LUC7L3: variants seen among roughly 807,000 people sequenced by gnomAD.
The protein encoded by LUC7L3 is luc7-like protein 3.
A neutral mutation model predicts 66.8 loss-of-function variants in LUC7L3; 6 were observed. That is an observed-to-expected ratio of 0.09 (90% CI 0.05 to 0.18). LUC7L3 has a LOEUF of 0.18. LUC7L3 is among the 10% of genes least tolerant of loss of function. LUC7L3 has a pLI of 1.00. For synonymous variants in LUC7L3, 160 were observed against 174.7 expected, an observed-to-expected ratio of 0.92 and a Z score of 0.66; for missense variants, 341 against 531.1, an observed-to-expected ratio of 0.64 and a Z score of 3.52.
chr17:50,740,371 A>C (rs763815552), intron 3 of LUC7L3, 26 bp downstream of exon 3: 3 of 1,594,800 alleles, frequency 1.9e-6, no homozygotes, highest in African/African-American at 2.7e-5. Context: ...TGTCATTTCC[A>C]CCCCCCCAGT....
chr17:50,730,193 A>G (rs1250841884), intron 1 of LUC7L3, among the ~76,000 whole-genome samples: 1 of 151,694 alleles, frequency 6.6e-6, no homozygotes, highest in Non-Finnish European at 1.5e-5. Context: ...GCTGGTCTCG[A>G]ACTCCTGAGC....
chr17:50,742,113 T>A (rs1970386131), intron 5 of LUC7L3, among the ~76,000 whole-genome samples: 1 of 152,066 alleles, frequency 6.6e-6, no homozygotes, highest in South Asian at 2.1e-4. Flanking sequence ...TATATATGTA[T>A]CTGAAAGGAC....
In LUC7L3 at chr17:50,753,125, G is replaced by A. The variant is rs771902229; in HGVS notation, c.*2464G>A. 4.6e-5 allele frequency: 7 copies of A among 152,152 alleles called. No individual in the cohort carries two copies. Among genetic ancestry groups the A allele is most frequent in the Non-Finnish European group, 1.0e-4 (7 of 68,000 alleles). The allele number at this position is 152,152 out of a possible 1,614,324, so 9.4% of individuals were successfully genotyped here. On this transcript the variant is annotated 3_prime_UTR_variant, in exon 10 of 10. Coordinates refer to ENST00000505658, the MANE Select transcript of LUC7L3 (RefSeq NM_016424.5). ...AAGGGTTTTTTCCCCCCACTTAAGT[G>A]ATTATTTTTGTGTCACATCTAGGAA... is the stretch of plus-strand genomic sequence containing the variant.
intron 1 of LUC7L3, among the ~76,000 whole-genome samples, chr17:50,736,371 T>A (rs1969985759): frequency 6.6e-6 from 1 of 152,294 alleles, no homozygotes; most frequent in Admixed American, 6.5e-5. Context: ...ACCAAGAGAA[T>A]TGCTTGGAGC....
Position 50,750,946 on chromosome 17 carries a change from C to A in LUC7L3, c.*285C>A. 1 of 1,507,496 alleles carries A rather than the reference C, an allele frequency of 6.6e-7. No homozygotes were observed. The highest frequency in any genetic ancestry group is 1.3e-5 in the South Asian group (1 of 78,756). The allele number at this position is 1,507,496 out of a possible 1,614,324, so 93.4% of individuals were successfully genotyped here. A position where few individuals can be genotyped will look rare whatever the true frequency, so the allele number is the denominator to read the frequency against. Reference sequence around the variant, plus strand: ...ATCGCCCACATTTGTAATATAGTCGCCATTGAAAAGTTAATTATCCTTTTT... The same window carrying A: ...ATCGCCCACATTTGTAATATAGTCGACATTGAAAAGTTAATTATCCTTTTT... On this transcript the variant is annotated 3_prime_UTR_variant, in exon 10 of 10. Transcript: ENST00000505658.
intron 1 of LUC7L3, among the ~76,000 whole-genome samples, chr17:50,735,531 T>C (rs1969928083): frequency 6.6e-6 from 1 of 151,720 alleles, no homozygotes; most frequent in Admixed American, 6.6e-5. Context: ...AGACAGGGTG[T>C]GATAGTGTTG....
At chr17:50,726,828 G>T (rs1002426665) in intron 1 of LUC7L3, among the ~76,000 whole-genome samples, 2 of 152,072 alleles carry the variant, frequency 1.3e-5, no homozygotes, top group East Asian at 3.9e-4. Flanking sequence ...GGTGGCTTAC[G>T]TCTTTAATCC....
intron 8 of LUC7L3, 53 bp from the exon 9 acceptor site, chr17:50,746,489 C>T: frequency 6.4e-7 from 1 of 1,553,692 alleles, no homozygotes; most frequent in Non-Finnish European, 8.8e-7. Flanking sequence ...ACTCCAAGGC[C>T]TTTACTTATT....
intron 1 of LUC7L3, chr17:50,723,656 C>G (rs927002945): frequency 2.2e-4 from 40 of 178,186 alleles, no homozygotes; most frequent in African/African-American, 6.8e-4. Flanking sequence ...TCCCTGCCCC[C>G]CCCCCTTTTT....
chr17:50,723,925 G>C, intron 1 of LUC7L3: 1 of 454,512 alleles, frequency 2.2e-6, no homozygotes, highest in South Asian at 1.6e-5. Flanking sequence ...GTGAGCCACT[G>C]CGCCCGGCTG....
chr17:50,719,621 T>A lies in LUC7L3; in HGVS notation c.-112T>A. 1.2e-6 allele frequency: 1 copy of A among 837,692 alleles called. No homozygotes were observed. Among genetic ancestry groups the A allele is most frequent in the South Asian group, 1.6e-5 (1 of 63,178 alleles). 51.9% of individuals were successfully genotyped at this position (837,692 alleles called of 1,614,324 possible). Reference sequence around the variant, plus strand: ...CCATTTTGTCTTGTCGGCTCCTGTGTGTAGGAGGGATTTCGGCCTGAGAGC... The same window carrying A: ...CCATTTTGTCTTGTCGGCTCCTGTGAGTAGGAGGGATTTCGGCCTGAGAGC... On this transcript the variant is annotated 5_prime_UTR_variant, in exon 1 of 10. Coordinates refer to ENST00000505658, the MANE Select transcript of LUC7L3 (RefSeq NM_016424.5).
At chr17:50,728,907 T>TAATA (rs1969380958) in intron 1 of LUC7L3, among the ~76,000 whole-genome samples, 1 of 152,046 alleles carries the variant, frequency 6.6e-6, no homozygotes, top group Non-Finnish European at 1.5e-5. Context: ...GATTTTAAAT[T>TAATA]AATATTTGTA....
At chr17:50,743,847 G>A (rs745854568) in intron 6 of LUC7L3, 37 bp downstream of exon 6, 60 of 1,383,006 alleles carry the variant, frequency 4.3e-5, no homozygotes, top group Admixed American at 3.5e-4. Context: ...TCATCTGTCT[G>A]TTAACAGTTA....
At position 50,719,937 on chromosome 17, in the gene LUC7L3, G is replaced by C. The variant is rs1223978241; in HGVS notation, c.99+106G>C. On this transcript the variant is annotated intron_variant, in intron 1 of 9. Coordinates refer to ENST00000505658, the MANE Select transcript of LUC7L3 (RefSeq NM_016424.5). ...GCGCGATGTGGCCAGGGCCGCACCC[G>C]GGGTCGAGCGTCTGACCCGGTGCCC... The C allele has an allele frequency of 7.8e-5, 78 of 994,140 alleles. No homozygotes were observed. In the South Asian group the frequency reaches 1.3e-3, roughly 17 times the overall value. 61.6% of individuals were successfully genotyped at this position (994,140 alleles called of 1,614,324 possible). A position where few individuals can be genotyped will look rare whatever the true frequency, so the allele number is the denominator to read the frequency against.
At chr17:50,746,288 T>G (rs1970662824) in intron 8 of LUC7L3, among the ~76,000 whole-genome samples, 1 of 152,206 alleles carries the variant, frequency 6.6e-6, no homozygotes, top group East Asian at 1.9e-4. Context: ...AAATAAAATA[T>G]GAAATCAGCC....
chr17:50,751,746 T>G lies in LUC7L3; in HGVS notation c.*1085T>G. ...ATAGTCACTCACTGGCTGATACATT[T>G]AAAGCAGCAGTGTGAATAGCAAGGA... On this transcript the variant is annotated 3_prime_UTR_variant, in exon 10 of 10. Transcript: ENST00000505658. 9.7e-7 allele frequency: 1 copy of G among 1,033,918 alleles called. No individual in the cohort carries two copies. Among genetic ancestry groups the G allele is most frequent in the Non-Finnish European group, 1.2e-6 (1 of 858,384 alleles). 64.0% of individuals were successfully genotyped at this position (1,033,918 alleles called of 1,614,324 possible).
chr17:50,747,950 A>G (rs1970778947), intron 9 of LUC7L3, among the ~76,000 whole-genome samples: 1 of 152,208 alleles, frequency 6.6e-6, no homozygotes, highest in Admixed American at 6.5e-5. Context: ...GTTTTACCTA[A>G]TCTTTTTGCA....
chr17:50,720,520 G>A (rs1296227908), intron 1 of LUC7L3, among the ~76,000 whole-genome samples: 1 of 152,194 alleles, frequency 6.6e-6, no homozygotes, highest in Admixed American at 6.5e-5. Context: ...GGCAACTGAG[G>A]AAACTAATCT....
In LUC7L3 at chr17:50,755,046, T is replaced by C. The variant is rs1457553416; in HGVS notation, c.*4385T>C. On this transcript the variant is annotated 3_prime_UTR_variant, in exon 10 of 10. Transcript: ENST00000505658. The stretch of plus-strand genomic sequence containing the variant: ...AAACAAAAAACACTTGAAGTTATTA[T>C]GTATACAATTCTGTGGGATGGGACT... The C allele has an allele frequency of 6.6e-6, 1 of 152,162 alleles. No individual in the cohort carries two copies. The highest frequency in any genetic ancestry group is 1.5e-5 in the Non-Finnish European group (1 of 68,040). 9.4% of individuals were successfully genotyped at this position (152,162 alleles called of 1,614,324 possible). A position where few individuals can be genotyped will look rare whatever the true frequency, so the allele number is the denominator to read the frequency against.
Sources: gnomAD v4.1 joint callset for allele counts (sites outside exome capture counted in the v4.1 genomes callset) on GRCh38, gnomAD v4.1.1 for gene constraint, MANE v1.5 for transcripts, NCBI Gene and HGNC (gene_info 2026-07-23, HGNC 2026-07-21) for gene names.